RSPH9: variants seen among roughly 807,000 people sequenced by gnomAD.
RSPH9 encodes the protein radial spoke head protein 9 homolog.
Under a neutral mutation model 27.0 loss-of-function variants are expected in RSPH9, and 27 were observed. The observed-to-expected ratio is 1.00, with a 90% CI of 0.74 to 1.38. The LOEUF (loss-of-function observed/expected upper bound fraction) is 1.38, where lower values mean the gene tolerates loss of function less well. Ranked by LOEUF, RSPH9 falls within the 40% of genes most tolerant of loss-of-function variation. The pLI is 0.00. For missense variants in RSPH9, 347 were observed against 357.4 expected (o/e 0.97, Z 0.24); for synonymous variants, 145 against 147.7 (o/e 0.98, Z 0.13).
chr6:43,645,623 T>C (rs998380799), intron 1 of RSPH9, among the ~76,000 whole-genome samples: 1 of 152,250 alleles, frequency 6.6e-6, no homozygotes, highest in Non-Finnish European at 1.5e-5. Context: ...CGAGAGCTTG[T>C]TCTCCGCCTG....
intron 3 of RSPH9, among the ~76,000 whole-genome samples, chr6:43,656,343 C>T (rs1315469525): frequency 2.0e-5 from 3 of 152,172 alleles, no homozygotes; most frequent in Non-Finnish European, 1.5e-5. Flanking sequence ...GCCTCGGCTT[C>T]CCAAAGTGCT....
intron 2 of RSPH9, among the ~76,000 whole-genome samples, 182 bp downstream of exon 2, chr6:43,650,722 C>T (rs956480937): frequency 6.6e-6 from 1 of 151,872 alleles, no homozygotes; most frequent in Non-Finnish European, 1.5e-5. Flanking sequence ...CTGGCTAACA[C>T]AGTGAAACCC....
At chr6:43,650,757 T>A (rs1022190741) in intron 2 of RSPH9, among the ~76,000 whole-genome samples, 4 of 151,706 alleles carry the variant, frequency 2.6e-5, no homozygotes, top group African/African-American at 9.7e-5. Context: ...ATACAAAAAA[T>A]TAGCTGGGTG....
At chr6:43,651,396 A>G (rs577917463) in intron 2 of RSPH9, among the ~76,000 whole-genome samples, 3 of 152,152 alleles carry the variant, frequency 2.0e-5, no homozygotes, top group Non-Finnish European at 4.4e-5. Context: ...ACAGGCTCTT[A>G]TATTTTAGTA....
Position 43,656,593 on chromosome 6 carries a change from G to T in RSPH9, c.540G>T (p.Glu180Asp). 1 of 1,614,170 alleles carries T rather than the reference G, an allele frequency of 6.2e-7. No homozygotes were observed. Among genetic ancestry groups the T allele is most frequent in the Non-Finnish European group, 8.5e-7 (1 of 1,180,030 alleles). Reference protein sequence around the residue: ...NRTFEGLSLSEAKKLSSYFHF... With the variant: ...NRTFEGLSLSDAKKLSSYFHF... ...TCTTTCTAGGACTGTCCTTGTCTGA[G>T]GCCAAGAAGCTCAGCTCCTACTTCC... The change falls in exon 4 of 5, where the codon GAG becomes GAT. Residue 180 changes from glutamate (E) to aspartate (D), a missense_variant. Physicochemically the swap from Glu to Asp is conservative, Grantham distance 45 (BLOSUM62 2). Coordinates refer to ENST00000372163, the MANE Select transcript of RSPH9 (RefSeq NM_152732.5).
Position 43,671,937 on chromosome 6 carries a change from A to C in RSPH9, c.*988A>C. 6.4e-7 allele frequency: 1 copy of C among 1,558,522 alleles called. No homozygotes were observed. Among genetic ancestry groups the C allele is most frequent in the Non-Finnish European group, 8.7e-7 (1 of 1,150,846 alleles). On this transcript the variant is annotated 3_prime_UTR_variant, in exon 5 of 5. Coordinates refer to ENST00000372163, the MANE Select transcript of RSPH9 (RefSeq NM_152732.5). ...GAGGGAGAACAAAGAGGTGCCTGTG[A>C]GGGCTGGGGGCCCAAGCTGGACGTG...
chr6:43,666,472 G>T (rs1454348617), intron 4 of RSPH9: 2 of 1,550,614 alleles, frequency 1.3e-6, no homozygotes, highest in South Asian at 2.4e-5. Flanking sequence ...CTGAGCAGGT[G>T]TGGTTTTGGT....
intron 4 of RSPH9, among the ~76,000 whole-genome samples, chr6:43,664,305 A>C (rs1772921378): frequency 6.6e-6 from 1 of 152,082 alleles, no homozygotes; most frequent in Non-Finnish European, 1.5e-5. Flanking sequence ...ATCTCAGCTC[A>C]CTGCAGCCTC....
rs199874020 is a variant in RSPH9 at position 43,650,520 on chromosome 6, G to C, written c.373G>C (p.Val125Leu). The stretch of plus-strand genomic sequence containing the variant: ...GCAGAAGGTGAATGAAGGTGAAAAA[G>C]TCTTTGAAGAAGAAATAGTGGTGAG... The part of the protein sequence containing the change: ...ELQKVNEGEK[V>L]FEEEIVVQIK... Residue 125 changes from valine to leucine, a missense_variant, in exon 2 of 5, where the codon GTC (valine) becomes CTC (leucine). Coordinates refer to ENST00000372163, the MANE Select transcript of RSPH9 (RefSeq NM_152732.5). 133 of 1,614,144 alleles carry C rather than the reference G, an allele frequency of 8.2e-5. 1 individual carries two copies. The Admixed American group carries it at 2.1e-3, about 26-fold the overall frequency.
chr6:43,671,260 C>T lies in RSPH9; in HGVS notation c.*311C>T, dbSNP rs1007457363. On this transcript the variant is annotated 3_prime_UTR_variant, in exon 5 of 5. Coordinates refer to ENST00000372163, the MANE Select transcript of RSPH9 (RefSeq NM_152732.5). ...AGCGGCAAGTGTGTCAGGCAGCCCACCTTGGCTCCCTGCAGCTCTCCCACA... is the reference window on the plus strand; with the variant it reads ...AGCGGCAAGTGTGTCAGGCAGCCCATCTTGGCTCCCTGCAGCTCTCCCACA... 2.2e-5 allele frequency: 11 copies of T among 504,824 alleles called. No individual in the cohort carries two copies. Among genetic ancestry groups the T allele is most frequent in the African/African-American group, 3.8e-5 (2 of 51,972 alleles). 31.3% of individuals were successfully genotyped at this position (504,824 alleles called of 1,614,324 possible). A position where few individuals can be genotyped will look rare whatever the true frequency, so the allele number is the denominator to read the frequency against.
At chr6:43,646,125 T>TTTATTATTATTA (rs375295386) in intron 1 of RSPH9, among the ~76,000 whole-genome samples, 4 of 149,850 alleles carry the variant, frequency 2.7e-5, no homozygotes, top group African/African-American at 9.8e-5. Flanking sequence ...TGGCTATTTA[T>TTTATTATTATTA]TTATTATTAT....
chr6:43,646,199 T>G (rs1213785482), intron 1 of RSPH9, among the ~76,000 whole-genome samples: 2 of 152,044 alleles, frequency 1.3e-5, no homozygotes, highest in Non-Finnish European at 2.9e-5. Context: ...TGGCTCGATC[T>G]CGGCTCACTG....
chr6:43,668,166 T>TC (rs1200480503), intron 4 of RSPH9, among the ~76,000 whole-genome samples: 3 of 152,232 alleles, frequency 2.0e-5, no homozygotes, highest in South Asian at 2.1e-4. Flanking sequence ...AGGGGGCTTT[T>TC]CCCCGAGTCC....
At chr6:43,652,038 G>A (rs1009930207) in intron 2 of RSPH9, among the ~76,000 whole-genome samples, 1 of 151,932 alleles carries the variant, frequency 6.6e-6, no homozygotes, top group Non-Finnish European at 1.5e-5. Context: ...CAGGCACGGT[G>A]GCTCATGCCT....
At chr6:43,669,700 G>GATT (rs1773520823) in intron 4 of RSPH9, among the ~76,000 whole-genome samples, 1 of 152,250 alleles carries the variant, frequency 6.6e-6, no homozygotes, top group Non-Finnish European at 1.5e-5. Flanking sequence ...AGTGCGCAGG[G>GATT]GAATAGAAGC....
In RSPH9 at chr6:43,653,409, T is replaced by C. The variant is rs145655286; in HGVS notation, c.394-2153T>C. On this transcript the variant is annotated intron_variant, in intron 2 of 4. Coordinates refer to ENST00000372163, the MANE Select transcript of RSPH9 (RefSeq NM_152732.5). ...TTGCAGTGAGCCAAGATCGCGTCAT[T>C]GCACTCCAGCCTGGGTGACAGAGCA... Among the ~76,000 whole-genome samples, 320 of 142,330 alleles carry C rather than the reference T, an allele frequency of 2.2e-3. 4 individuals are homozygous for C. In the East Asian group the frequency reaches 0.059, roughly 26 times the overall value. The allele number at this position is 142,330 out of a possible 152,430, so 93.4% of individuals were successfully genotyped here. A position where few individuals can be genotyped will look rare whatever the true frequency, so the allele number is the denominator to read the frequency against.
rs1770722061 is a variant in RSPH9, at chr6:43,645,310, G to T, written c.212G>T (p.Arg71Leu). 7.1e-7 allele frequency: 1 copy of T among 1,402,662 alleles called. No homozygotes were observed. The highest frequency in any genetic ancestry group is 1.5e-5 in the African/African-American group (1 of 67,790). 86.9% of individuals were successfully genotyped at this position (1,402,662 alleles called of 1,614,324 possible). ...CTGAGTGAGGACCAGCTCGCACCGC[G>T]CAAGACGCTCTATAGGTGAGGAGGC... is the stretch of plus-strand genomic sequence containing the variant. ...QGLSEDQLAPRKTLYSLNCTE... is the reference protein window; with the variant it reads ...QGLSEDQLAPLKTLYSLNCTE... Residue 71 changes from arginine (R) to leucine (L), a missense_variant, in exon 1 of 5, where the codon CGC (arginine) becomes CTC (leucine). Physicochemically the swap from Arg to Leu is moderately radical, Grantham distance 102. Transcript: ENST00000372163.
chr6:43,652,668 C>T lies in RSPH9; in HGVS notation c.393+2128C>T, dbSNP rs1271533502. Among the ~76,000 whole-genome samples, 28 of 151,316 alleles carry T rather than the reference C, an allele frequency of 1.9e-4. No homozygotes were observed. The South Asian group carries it at 3.1e-3, about 17-fold the overall frequency. ...CTCCAACTCCTGACCTCGGGTGATC[C>T]GCCCGCCTCGGCCTCCCAAAGTGCT... On this transcript the variant is annotated intron_variant, in intron 2 of 4. Transcript: ENST00000372163.
rs538844931 is a variant in RSPH9 at position 43,655,476 on chromosome 6, G to A, written c.394-86G>A. On this transcript the variant is annotated intron_variant, in intron 2 of 4. Transcript: ENST00000372163. Reference sequence around the variant, plus strand: ...GGGGTCCACTACACTGCAGTGGTGCGGGTGAGATGGCCGTGCAGAGGGACC... The same window carrying A: ...GGGGTCCACTACACTGCAGTGGTGCAGGTGAGATGGCCGTGCAGAGGGACC... 2.3e-5 allele frequency: 34 copies of A among 1,480,256 alleles called. No homozygotes were observed. In the East Asian group the frequency reaches 3.6e-4, roughly 16 times the overall value. 91.7% of individuals were successfully genotyped at this position (1,480,256 alleles called of 1,614,324 possible).
Sources: allele counts gnomAD v4.1 joint callset (sites outside exome capture counted in the v4.1 genomes callset), GRCh38; gene constraint gnomAD v4.1.1; transcripts MANE v1.5; gene names NCBI Gene and HGNC (gene_info 2026-07-23, HGNC 2026-07-21).